FBXW11: variants seen among roughly 807,000 people sequenced by gnomAD.
FBXW11 encodes F-box/WD repeat-containing protein 11.
A neutral mutation model predicts 77.6 loss-of-function variants in FBXW11; 19 were observed. The observed-to-expected ratio is 0.24, with a 90% CI of 0.17 to 0.36. The LOEUF (loss-of-function observed/expected upper bound fraction) is 0.36. Ranked by LOEUF, FBXW11 falls within the 10% of genes least tolerant of loss-of-function variation. The pLI is 1.00. For synonymous variants in FBXW11, 235 were observed against 249.4 expected, an observed-to-expected ratio of 0.94 and a Z score of 0.54; for missense variants, 334 against 704.2, an observed-to-expected ratio of 0.47 and a Z score of 5.95.
At chr5:171,909,685 A>ATG (rs111850090) in intron 4 of FBXW11, among the ~76,000 whole-genome samples, 5,070 of 149,974 alleles carry the variant, frequency 0.034, 157 homozygotes, top group Admixed American at 0.072. Context: ...ATTTAACCAG[A>ATG]TGTGTGTGTG....
At chr5:171,957,469 G>A (rs924687339) in intron 2 of FBXW11, 128 bp downstream of exon 2, 2 of 898,842 alleles carry the variant, frequency 2.2e-6, no homozygotes, top group South Asian at 1.5e-5. Context: ...ACCCAGGCTG[G>A]AGGAAAGCAG....
chr5:171,891,896 T>A (rs188775846), intron 6 of FBXW11, among the ~76,000 whole-genome samples: 1 of 152,028 alleles, frequency 6.6e-6, no homozygotes, highest in Non-Finnish European at 1.5e-5. Flanking sequence ...AGAACGCCGT[T>A]TGCACCCAAA....
intron 6 of FBXW11, among the ~76,000 whole-genome samples, chr5:171,891,908 C>CCG (rs766340377): frequency 2.7e-4 from 41 of 152,074 alleles, no homozygotes; most frequent in Non-Finnish European, 5.0e-4. Context: ...GCACCCAAAA[C>CCG]ATGCAAATAA....
Position 171,876,701 on chromosome 5 carries a change from A to T in FBXW11, c.972-167T>A, listed in dbSNP as rs1368450764. On this transcript the variant is annotated intron_variant, in intron 8 of 13. Coordinates refer to ENST00000517395, the MANE Select transcript of FBXW11 (RefSeq NM_001378974.1). The surrounding 1 kb of genome is among the most constrained non-coding windows in gnomAD (Gnocchi z 4.2). Reference sequence around the variant, plus strand: ...AATGTTGGAGGTGGGGCCTGGCAGGAGATGTTTTGGGTCATGGTGGTGTAT... The same window carrying T: ...AATGTTGGAGGTGGGGCCTGGCAGGTGATGTTTTGGGTCATGGTGGTGTAT... Among the ~76,000 whole-genome samples the T allele has an allele frequency of 6.6e-6, 1 of 152,084 alleles. No individual in the cohort carries two copies. Among genetic ancestry groups the T allele is most frequent in the Non-Finnish European group, 1.5e-5 (1 of 68,010 alleles).
At chr5:171,939,410 A>G (rs750544736) in intron 2 of FBXW11, among the ~76,000 whole-genome samples, 1 of 152,038 alleles carries the variant, frequency 6.6e-6, no homozygotes, top group Non-Finnish European at 1.5e-5. Flanking sequence ...AGAACTATAA[A>G]GAAATCCCCA....
At chr5:171,937,639 C>G (rs1035421120) in intron 2 of FBXW11, among the ~76,000 whole-genome samples, 1 of 151,860 alleles carries the variant, frequency 6.6e-6, no homozygotes, top group Non-Finnish European at 1.5e-5. Flanking sequence ...CCAGCCTGAT[C>G]AACATGGTGA....
chr5:171,968,982 G>A (rs184348472), intron 1 of FBXW11, among the ~76,000 whole-genome samples: 93 of 152,214 alleles, frequency 6.1e-4, no homozygotes, highest in Non-Finnish European at 5.0e-4. Flanking sequence ...TAGAACACAC[G>A]GAAGGGGCCG....
intron 2 of FBXW11, among the ~76,000 whole-genome samples, chr5:171,927,218 AG>A (rs1761938711): frequency 6.6e-6 from 1 of 152,248 alleles, no homozygotes; most frequent in African/African-American, 2.4e-5. Flanking sequence ...GAAAACATTC[AG>A]AGATTGAAAA....
rs1311979409 is a variant in FBXW11, at chr5:171,862,354, AGC to A, written c.*1771_*1772del. On this transcript the variant is annotated 3_prime_UTR_variant, in exon 14 of 14. Coordinates refer to ENST00000517395, the MANE Select transcript of FBXW11 (RefSeq NM_001378974.1). Reference sequence around the variant, plus strand: ...TTTAAAAGAAAAACTAAAAAAGCAAAGCCAACTCAATAAACAAATCACATACA... The same window carrying A: ...TTTAAAAGAAAAACTAAAAAAGCAAACAACTCAATAAACAAATCACATACA... 1.3e-5 allele frequency: 2 copies of A among 152,676 alleles called. No homozygotes were observed. Among genetic ancestry groups the A allele is most frequent in the Non-Finnish European group, 2.9e-5 (2 of 68,056 alleles). 9.5% of individuals were successfully genotyped at this position (152,676 alleles called of 1,614,324 possible). A position where few individuals can be genotyped will look rare whatever the true frequency, so the allele number is the denominator to read the frequency against.
At chr5:171,936,109 TA>T (rs61349170) in intron 2 of FBXW11, among the ~76,000 whole-genome samples, 1,947 of 59,334 alleles carry the variant, frequency 0.033, 29 homozygotes, top group African/African-American at 0.1. Flanking sequence ...AGACTCCATC[TA>T]AAAAAAAAAA....
intron 2 of FBXW11, among the ~76,000 whole-genome samples, 183 bp from the exon 3 acceptor site, chr5:171,914,588 T>C (rs1761108921): frequency 6.6e-6 from 1 of 152,074 alleles, no homozygotes; most frequent in Admixed American, 6.6e-5. Context: ...CATAAATCGA[T>C]AAAGTTAGTG....
intron 3 of FBXW11, among the ~76,000 whole-genome samples, chr5:171,911,166 T>C (rs1179860860): frequency 6.6e-6 from 1 of 152,242 alleles, no homozygotes; most frequent in Non-Finnish European, 1.5e-5. Context: ...TTAGAGAAAC[T>C]GCTCAACTTG....
At chr5:171,911,894 T>C (rs1760906534) in intron 3 of FBXW11, among the ~76,000 whole-genome samples, 2 of 152,216 alleles carry the variant, frequency 1.3e-5, no homozygotes, top group African/African-American at 4.8e-5. Context: ...ATAACCTCAA[T>C]ACTTTTGTCA....
At chr5:171,987,019 A>C (rs577720976) in intron 1 of FBXW11, among the ~76,000 whole-genome samples, 2 of 152,304 alleles carry the variant, frequency 1.3e-5, no homozygotes, top group African/African-American at 4.8e-5. Flanking sequence ...CAGAAGCAGG[A>C]ACCCTACTGT....
chr5:171,956,765 T>C (rs144213053), intron 2 of FBXW11, among the ~76,000 whole-genome samples: 26 of 152,362 alleles, frequency 1.7e-4, no homozygotes, highest in African/African-American at 5.3e-4. Flanking sequence ...TTCAAAGATA[T>C]ATCAAACTGT....
Position 171,876,099 on chromosome 5 carries a change from G to A in FBXW11, c.1221+186C>T, listed in dbSNP as rs754059900. ...AGAAGACTGTTCTCTCTTCTGGACCGATGGCTTTTCCTCCTACCTTGCCTA... is the reference window on the plus strand; with the variant it reads ...AGAAGACTGTTCTCTCTTCTGGACCAATGGCTTTTCCTCCTACCTTGCCTA... On this transcript the variant is annotated intron_variant, in intron 9 of 13. Transcript: ENST00000517395. This position sits in a 1 kb window ranked among gnomAD's most constrained non-coding sequence, Gnocchi z 4.2. Among the ~76,000 whole-genome samples the A allele has an allele frequency of 4.6e-5, 7 of 152,292 alleles. No individual in the cohort carries two copies. Among genetic ancestry groups the A allele is most frequent in the Admixed American group, 2.6e-4 (4 of 15,298 alleles).
Position 171,952,422 on chromosome 5 carries a change from C to CAT in FBXW11, c.147+5173_147+5174dup, listed in dbSNP as rs1198809796. Among the ~76,000 whole-genome samples, 85 of 14,638 alleles carry CAT rather than the reference C, an allele frequency of 5.8e-3. 13 individuals are homozygous for CAT. The highest frequency in any genetic ancestry group is 9.4e-3 in the Non-Finnish European group (70 of 7,430). 9.6% of individuals were successfully genotyped at this position (14,638 alleles called of 152,430 possible). On this transcript the variant is annotated intron_variant, in intron 2 of 13. Transcript: ENST00000517395. ...TGTGTGTGTGTGTTGTGTGTACATA[C>CAT]ATATATATATATATATATATATATA...
At chr5:171,950,629 T>C (rs1278436444) in intron 2 of FBXW11, among the ~76,000 whole-genome samples, 1 of 152,208 alleles carries the variant, frequency 6.6e-6, no homozygotes, top group East Asian at 1.9e-4. Context: ...CTCATGCCTG[T>C]AATCCCAGCA....
intron 7 of FBXW11, among the ~76,000 whole-genome samples, chr5:171,880,667 T>C (rs1171488095): frequency 1.3e-5 from 2 of 152,228 alleles, no homozygotes; most frequent in African/African-American, 2.4e-5. Context: ...TATACCTAAG[T>C]ATTTCATTGG....
Sources: gnomAD v4.1 joint callset for allele counts (sites outside exome capture counted in the v4.1 genomes callset) on GRCh38, gnomAD v4.1.1 for gene constraint, Gnocchi (gnomAD v3.1) non-coding constraint, MANE v1.5 for transcripts, NCBI Gene and HGNC (gene_info 2026-07-23, HGNC 2026-07-21) for gene names.